The following KIAA1217 variants were observed in gnomAD, a reference collection of about 807,000 sequenced individuals.
The protein encoded by KIAA1217 is KIAA1217.
A neutral mutation model predicts 163.9 loss-of-function variants in KIAA1217; 88 were observed. The observed-to-expected ratio is 0.54, with a 90% CI of 0.45 to 0.64. The LOEUF (loss-of-function observed/expected upper bound fraction) is 0.64. Ranked by LOEUF, KIAA1217 falls within the 30% of genes least tolerant of loss-of-function variation. The probability of loss-of-function intolerance (pLI) is 0.00; values close to 1 mark genes in which losing one functional copy is unlikely to be tolerated. For missense variants in KIAA1217, 2,372 were observed against 2,475.0 expected (o/e 0.96, Z 0.88); for synonymous variants, 903 against 923.1 (o/e 0.98, Z 0.39).
At chr10:24,043,126 G>GT (rs905932938) in intron 2 of KIAA1217, among the ~76,000 whole-genome samples, 6 of 152,080 alleles carry the variant, frequency 3.9e-5, no homozygotes, top group Admixed American at 3.9e-4. Context: ...TTATTTTAGC[G>GT]TATGTAATCA....
intron 2 of KIAA1217, among the ~76,000 whole-genome samples, chr10:24,280,134 C>G (rs982266336): frequency 6.6e-6 from 1 of 152,106 alleles, no homozygotes; most frequent in Non-Finnish European, 1.5e-5. Flanking sequence ...AAGAAATGCT[C>G]ATGTCTTTTA....
chr10:24,110,006 C>T (rs777197293), intron 2 of KIAA1217, among the ~76,000 whole-genome samples: 2 of 152,222 alleles, frequency 1.3e-5, no homozygotes, highest in Non-Finnish European at 1.5e-5. Context: ...GTTGGGACTA[C>T]AGGCACGCCA....
At chr10:24,142,486 T>C (rs2064128804) in intron 2 of KIAA1217, among the ~76,000 whole-genome samples, 1 of 152,180 alleles carries the variant, frequency 6.6e-6, no homozygotes, top group Non-Finnish European at 1.5e-5. Context: ...AGAAGGAAGA[T>C]GGACCTGTTG....
chr10:24,388,447 G>C (rs113890125), intron 3 of KIAA1217, among the ~76,000 whole-genome samples: 1 of 152,072 alleles, frequency 6.6e-6, no homozygotes. Flanking sequence ...ACCTAAAACC[G>C]CAAAAACCCT....
chr10:24,180,197 C>T (rs2066103404), intron 2 of KIAA1217, among the ~76,000 whole-genome samples: 1 of 151,174 alleles, frequency 6.6e-6, no homozygotes, highest in Non-Finnish European at 1.5e-5. Flanking sequence ...GTGGCTTATT[C>T]TGCTCACCTT....
intron 1 of KIAA1217, among the ~76,000 whole-genome samples, chr10:23,867,256 G>A (rs1245231185): frequency 6.6e-6 from 1 of 151,962 alleles, no homozygotes; most frequent in Non-Finnish European, 1.5e-5. Flanking sequence ...ATCATTATTG[G>A]ACATTTGGGT....
intron 6 of KIAA1217, among the ~76,000 whole-genome samples, chr10:24,475,623 T>C (rs1472523355): frequency 6.6e-6 from 1 of 152,102 alleles, no homozygotes; most frequent in Non-Finnish European, 1.5e-5. Context: ...AAAATAAGGA[T>C]TGGAAAATAG....
chr10:23,975,335 G>A (rs749181402), intron 1 of KIAA1217, among the ~76,000 whole-genome samples: 22 of 152,090 alleles, frequency 1.4e-4, no homozygotes, highest in Non-Finnish European at 2.5e-4. Context: ...TTGGCTGGCG[G>A]GCAGGCAGGA....
At chr10:24,180,059 T>C (rs2066095156) in intron 2 of KIAA1217, among the ~76,000 whole-genome samples, 1 of 152,192 alleles carries the variant, frequency 6.6e-6, no homozygotes, top group Non-Finnish European at 1.5e-5. Flanking sequence ...TATCTCCTTT[T>C]CCTGGTATGA....
At chr10:23,857,330 A>AG (rs1839739765) in intron 1 of KIAA1217, among the ~76,000 whole-genome samples, 2 of 152,200 alleles carry the variant, frequency 1.3e-5, no homozygotes, top group African/African-American at 4.8e-5. Flanking sequence ...AATAGTGCTG[A>AG]TAAGTTCACT....
At chr10:24,403,996 G>T (rs779064522) in intron 3 of KIAA1217, among the ~76,000 whole-genome samples, 3 of 152,052 alleles carry the variant, frequency 2.0e-5, no homozygotes, top group South Asian at 4.2e-4. Context: ...TCCCTCTGTT[G>T]CCCAGGTTGG....
chr10:24,283,909 AT>A (rs56960891), intron 2 of KIAA1217, among the ~76,000 whole-genome samples: 47,959 of 150,184 alleles, frequency 0.32, 8,262 homozygotes, highest in Admixed American at 0.47. Flanking sequence ...CTTTTCCTTT[AT>A]TTTTTTTTTA....
At chr10:24,391,378 T>C (rs1409654730) in intron 3 of KIAA1217, among the ~76,000 whole-genome samples, 1 of 130,536 alleles carries the variant, frequency 7.7e-6, no homozygotes, top group Non-Finnish European at 1.6e-5. Flanking sequence ...GGAGTTTTGC[T>C]CTTGTCACCC....
chr10:24,432,420 G>A (rs536083333), intron 3 of KIAA1217, among the ~76,000 whole-genome samples: 1 of 151,924 alleles, frequency 6.6e-6, no homozygotes, highest in East Asian at 1.9e-4. Flanking sequence ...GCCTGGCCAA[G>A]TATTGTCTTT....
intron 1 of KIAA1217, among the ~76,000 whole-genome samples, chr10:23,812,456 AG>A (rs1837112391): frequency 6.6e-6 from 1 of 152,086 alleles, no homozygotes; most frequent in Admixed American, 6.6e-5. Flanking sequence ...TAGGGTTAAT[AG>A]ATGAAATAAT....
intron 1 of KIAA1217, among the ~76,000 whole-genome samples, chr10:23,768,637 G>A (rs75835756): frequency 0.05 from 7,679 of 152,282 alleles, 290 homozygotes; most frequent in Middle Eastern, 0.099. Context: ...ACATAGGGGA[G>A]AAAATGGGTT....
At chr10:23,853,402 T>C (rs1290904985) in intron 1 of KIAA1217, among the ~76,000 whole-genome samples, 1 of 152,206 alleles carries the variant, frequency 6.6e-6, no homozygotes, top group Non-Finnish European at 1.5e-5. Context: ...GATGTGCTGC[T>C]GGATTCGGTT....
At chr10:24,031,204 C>T (rs1156455046) in intron 2 of KIAA1217, among the ~76,000 whole-genome samples, 1 of 152,134 alleles carries the variant, frequency 6.6e-6, no homozygotes, top group Admixed American at 6.6e-5. Flanking sequence ...TCTATTGTTT[C>T]TGTTTTTTGT....
chr10:24,059,506 G>A lies in KIAA1217; in HGVS notation c.-171+52132G>A, dbSNP rs80153610. 2.8e-3 allele frequency among the ~76,000 whole-genome samples: 425 copies of A among 152,194 alleles called. 3 individuals are homozygous for A. Among genetic ancestry groups the A allele is most frequent in the African/African-American group, 9.6e-3 (398 of 41,538 alleles). On this transcript the variant is annotated intron_variant, in intron 2 of 18. Coordinates refer to the KIAA1217 transcript ENST00000376462. ...ATTTACCAGTGAACCATCTGGTCCT[G>A]AGCTTTTGTTAAGAGGTTTTTGATT... is the stretch of plus-strand genomic sequence containing the variant.
Sources: allele counts gnomAD v4.1 joint callset (sites outside exome capture counted in the v4.1 genomes callset), GRCh38; gene constraint gnomAD v4.1.1; transcripts MANE v1.5; gene names NCBI Gene and HGNC (gene_info 2026-07-23, HGNC 2026-07-21).